Variants in BUB1B observed in about 807,000 individuals in gnomAD.
The protein encoded by BUB1B is BUB1 mitotic checkpoint serine/threonine kinase B.
Under a neutral mutation model 137.7 loss-of-function variants are expected in BUB1B, and 86 were observed. The ratio of observed to expected loss-of-function variants is 0.62; its 90% CI spans 0.52 to 0.75. The LOEUF (loss-of-function observed/expected upper bound fraction) is 0.75. Ranked by LOEUF, BUB1B falls within the 30% of genes least tolerant of loss-of-function variation. The pLI, the probability that BUB1B is intolerant of heterozygous loss-of-function variation, is 0.00. For missense variants in BUB1B, 1,130 were observed against 1,236.9 expected (o/e 0.91, Z 1.30); for synonymous variants, 420 against 417.9 (o/e 1.00, Z -0.06).
intron 22 of BUB1B, among the ~76,000 whole-genome samples, chr15:40,220,082 T>G (rs944932516): frequency 1.3e-5 from 2 of 152,154 alleles, no homozygotes; most frequent in Admixed American, 1.3e-4. Flanking sequence ...ATAAGGGAAG[T>G]TTCTCTGATC....
At chr15:40,211,131 CTCTT>C (rs1213395651) in intron 18 of BUB1B, among the ~76,000 whole-genome samples, 9 of 151,986 alleles carry the variant, frequency 5.9e-5, no homozygotes, top group African/African-American at 1.7e-4. Flanking sequence ...CCTATATTCT[CTCTT>C]TGTCTTTTTA....
chr15:40,185,175 G>C lies in BUB1B; in HGVS notation c.762G>C (p.Gln254His). 1 of 1,613,884 alleles carries C rather than the reference G, an allele frequency of 6.2e-7. No homozygotes were observed. The highest frequency in any genetic ancestry group is 8.5e-7 in the Non-Finnish European group (1 of 1,179,846). The stretch of plus-strand genomic sequence containing the variant: ...TATTTTTGCTCCTAGCTCCAAGCCA[G>C]AACAGAGGACTCCAAAATCCATTTC... ...RVGGALKAPSQNRGLQNPFPQ... is the reference protein window; with the variant it reads ...RVGGALKAPSHNRGLQNPFPQ... Residue 254 changes from glutamine to histidine, a missense_variant, in exon 7 of 23, where the codon CAG becomes CAC. Transcript: ENST00000287598.
chr15:40,219,244 T>C (rs1489570345), intron 22 of BUB1B, among the ~76,000 whole-genome samples: 1 of 152,206 alleles, frequency 6.6e-6, no homozygotes. Flanking sequence ...TTACCAAAAG[T>C]TAATAAGCAT....
chr15:40,164,972 C>A, intron 1 of BUB1B, 81 bp from the exon 2 acceptor site: 2 of 1,566,980 alleles, frequency 1.3e-6, no homozygotes, highest in Non-Finnish European at 1.8e-6. Flanking sequence ...GAATAATCAC[C>A]TTTCGGAAGA....
At chr15:40,190,825 C>T (rs796950232) in intron 8 of BUB1B, among the ~76,000 whole-genome samples, 3 of 152,008 alleles carry the variant, frequency 2.0e-5, no homozygotes, top group African/African-American at 7.2e-5. Flanking sequence ...GGATGATTCA[C>T]ATCCTAGGTG....
chr15:40,217,385 T>G, intron 20 of BUB1B, 111 bp from the exon 21 acceptor site: 6 of 1,114,756 alleles, frequency 5.4e-6, no homozygotes, highest in Non-Finnish European at 8.1e-6. Flanking sequence ...CTGGAGGGAG[T>G]TGTTGGCATA....
intron 7 of BUB1B, 64 bp downstream of exon 7, chr15:40,185,443 G>A: frequency 1.3e-6 from 2 of 1,596,214 alleles, no homozygotes; most frequent in South Asian, 2.2e-5. Context: ...GGGTAGAGAA[G>A]TATTTTTACC....
At chr15:40,161,283 C>A in intron 1 of BUB1B, 28 bp downstream of exon 1, 2 of 1,607,428 alleles carry the variant, frequency 1.2e-6, no homozygotes, top group Non-Finnish European at 1.7e-6. Flanking sequence ...CTGCTGGGGG[C>A]TGGGCCTGAG....
In BUB1B at chr15:40,208,776, A is replaced by C. The variant is rs775583985; in HGVS notation, c.2143+6A>C. On this transcript the variant is annotated splice_donor_region_variant and intron_variant, in intron 16 of 22. Coordinates refer to ENST00000287598, the MANE Select transcript of BUB1B (RefSeq NM_001211.6). The stretch of plus-strand genomic sequence containing the variant: ...ACTTACTAATGAGACTTCAGGTAGG[A>C]TATACATACCACTATATCCATGCCT... The C allele has an allele frequency of 2.5e-5, 40 of 1,607,104 alleles. No individual in the cohort carries two copies. The South Asian group carries it at 4.1e-4, about 16-fold the overall frequency.
At chr15:40,178,472 A>G (rs972738688) in intron 5 of BUB1B, among the ~76,000 whole-genome samples, 1 of 152,042 alleles carries the variant, frequency 6.6e-6, no homozygotes, top group African/African-American at 2.4e-5. Flanking sequence ...GGTTTGTTTT[A>G]TCACCCAGAT....
rs2037582503 is a variant in BUB1B, at chr15:40,202,395, C to G, written c.1568-10C>G. 5 of 1,603,208 alleles carry G rather than the reference C, an allele frequency of 3.1e-6. No individual in the cohort carries two copies. In the East Asian group the frequency reaches 1.1e-4, roughly 36 times the overall value. ...CTCCTAGAGTATGTATCTAGTCTCTCTTTCTCTAGGTCCCAGTGTACCTTT... is the reference window on the plus strand; with the variant it reads ...CTCCTAGAGTATGTATCTAGTCTCTGTTTCTCTAGGTCCCAGTGTACCTTT... On this transcript the variant is annotated splice_polypyrimidine_tract_variant and intron_variant, in intron 12 of 22. Transcript: ENST00000287598.
chr15:40,166,362 C>T (rs372979646), intron 2 of BUB1B: 26 of 429,416 alleles, frequency 6.1e-5, no homozygotes, highest in Middle Eastern at 7.7e-4. Flanking sequence ...CTTTTAGAGA[C>T]GGAGTCTCGC....
At chr15:40,217,780 C>T (rs1171395105) in intron 21 of BUB1B, 113 bp downstream of exon 21, 2 of 1,293,576 alleles carry the variant, frequency 1.5e-6, no homozygotes, top group Non-Finnish European at 2.2e-6. Flanking sequence ...AATAGATGAC[C>T]TAGTTTTCAA....
In BUB1B at chr15:40,208,785, C is replaced by A; in HGVS notation, c.2143+15C>A. On this transcript the variant is annotated intron_variant, in intron 16 of 22. Coordinates refer to ENST00000287598, the MANE Select transcript of BUB1B (RefSeq NM_001211.6). Reference sequence around the variant, plus strand: ...TGAGACTTCAGGTAGGATATACATACCACTATATCCATGCCTAGTGAACAC... The same window carrying A: ...TGAGACTTCAGGTAGGATATACATAACACTATATCCATGCCTAGTGAACAC... 6.2e-7 allele frequency: 1 copy of A among 1,601,534 alleles called. No homozygotes were observed. Among genetic ancestry groups the A allele is most frequent in the Non-Finnish European group, 8.6e-7 (1 of 1,169,422 alleles).
chr15:40,186,480 C>G (rs1389674662), intron 8 of BUB1B, among the ~76,000 whole-genome samples: 2 of 144,348 alleles, frequency 1.4e-5, no homozygotes, highest in Admixed American at 6.9e-5. Flanking sequence ...CTGTGTCGCC[C>G]AGGCTGGAGT....
chr15:40,170,891 A>G (rs990435886), intron 4 of BUB1B, among the ~76,000 whole-genome samples: 10 of 152,180 alleles, frequency 6.6e-5, no homozygotes, highest in Admixed American at 1.3e-4. Context: ...CGCCCTTTTA[A>G]GATTGATCGC....
Position 40,176,560 on chromosome 15 carries a change from C to T in BUB1B, c.468C>T (p.Ile156=). 6.2e-7 allele frequency: 1 copy of T among 1,614,090 alleles called. No homozygotes were observed. The highest frequency in any genetic ancestry group is 1.3e-5 in the African/African-American group (1 of 75,024). The change falls in exon 5 of 23, where the codon ATC becomes ATT. Residue 156 remains isoleucine, a synonymous_variant. Coordinates refer to ENST00000287598, the MANE Select transcript of BUB1B (RefSeq NM_001211.6). ...GIGVSLAQFY[I]SWAEEYEARE... ...GTGTTTCACTTGCTCAGTTCTATAT[C>T]TCATGGGCAGAAGAATATGAAGCTA...
chr15:40,197,483 C>A (rs564487888), intron 9 of BUB1B, among the ~76,000 whole-genome samples: 1 of 152,072 alleles, frequency 6.6e-6, no homozygotes, highest in South Asian at 2.1e-4. Context: ...AAGAAGGGTA[C>A]AGAAAATGAG....
At chr15:40,190,084 C>T (rs1767371773) in intron 8 of BUB1B, among the ~76,000 whole-genome samples, 2 of 152,118 alleles carry the variant, frequency 1.3e-5, no homozygotes, top group Admixed American at 6.5e-5. Context: ...GTAGGGGATA[C>T]GTTCCAAGAC....
Sources: allele counts gnomAD v4.1 joint callset (sites outside exome capture counted in the v4.1 genomes callset), GRCh38; gene constraint gnomAD v4.1.1; transcripts MANE v1.5; gene names NCBI Gene and HGNC (gene_info 2026-07-23, HGNC 2026-07-21).